SBF2: variants seen among roughly 807,000 people sequenced by gnomAD.
The protein encoded by SBF2 is myotubularin-related protein 13.
A neutral mutation model predicts 225.2 loss-of-function variants in SBF2; 112 were observed. The ratio of observed to expected loss-of-function variants is 0.50; its 90% CI spans 0.43 to 0.58. SBF2 has a LOEUF of 0.58. SBF2 is among the 20% of genes least tolerant of loss of function. The pLI, the probability that SBF2 is intolerant of heterozygous loss-of-function variation, is 0.00. For synonymous variants in SBF2, 763 were observed against 773.3 expected (o/e 0.99, Z 0.22); for missense variants, 1,996 against 2,206.2 (o/e 0.90, Z 1.91).
chr11:10,263,126 T>G (rs531816564), intron 1 of SBF2, among the ~76,000 whole-genome samples: 10 of 152,214 alleles, frequency 6.6e-5, no homozygotes, highest in Admixed American at 6.5e-4. Context: ...ACCTTCTTTC[T>G]ATACCTATTG....
chr11:10,149,282 G>C (rs537244979), intron 2 of SBF2: 1 of 152,110 alleles, frequency 6.6e-6, no homozygotes, highest in Non-Finnish European at 1.5e-5. Flanking sequence ...TCGGCTACAC[G>C]TAAGACTGAG....
intron 2 of SBF2, among the ~76,000 whole-genome samples, chr11:10,055,762 T>C (rs917464904): frequency 1.3e-5 from 2 of 151,812 alleles, no homozygotes; most frequent in Non-Finnish European, 2.9e-5. Context: ...GACAATAGAG[T>C]CCCAGAAGTG....
intron 3 of SBF2, among the ~76,000 whole-genome samples, chr11:10,033,838 A>G (rs1949347083): frequency 6.6e-6 from 1 of 152,166 alleles, no homozygotes; most frequent in Non-Finnish European, 1.5e-5. Flanking sequence ...TCTATGTAAT[A>G]ATTATAAAAT....
chr11:9,848,437 G>C (rs1443735106), intron 22 of SBF2, among the ~76,000 whole-genome samples: 1 of 152,152 alleles, frequency 6.6e-6, no homozygotes, highest in Admixed American at 6.5e-5. Flanking sequence ...TTCAAAATTT[G>C]AAAGGAAAAG....
chr11:10,152,987 G>A (rs1955288824), intron 2 of SBF2, among the ~76,000 whole-genome samples: 1 of 152,140 alleles, frequency 6.6e-6, no homozygotes, highest in Non-Finnish European at 1.5e-5. Flanking sequence ...AGCAGCAAAG[G>A]GTGACAGTAC....
At chr11:9,809,936 C>A (rs909681801) in intron 30 of SBF2, among the ~76,000 whole-genome samples, 3 of 152,064 alleles carry the variant, frequency 2.0e-5, no homozygotes, top group African/African-American at 7.2e-5. Flanking sequence ...AGTTGTGCAC[C>A]TTTATCATAA....
intron 26 of SBF2, among the ~76,000 whole-genome samples, chr11:9,837,390 CATAA>C (rs1564898665): frequency 1.3e-5 from 2 of 152,188 alleles, no homozygotes; most frequent in African/African-American, 2.4e-5. Flanking sequence ...AATAAATTTA[CATAA>C]ATAAAACTCA....
intron 1 of SBF2, among the ~76,000 whole-genome samples, chr11:10,199,875 A>T (rs1013573610): frequency 6.6e-6 from 1 of 152,182 alleles, no homozygotes; most frequent in African/African-American, 2.4e-5. Flanking sequence ...GAAAATATGG[A>T]ATATGGAGGT....
At chr11:10,284,061 A>T (rs1469834169) in intron 1 of SBF2, among the ~76,000 whole-genome samples, 2 of 152,226 alleles carry the variant, frequency 1.3e-5, no homozygotes, top group Admixed American at 1.3e-4. Flanking sequence ...GTATCTTTCT[A>T]TCTTCCTTAT....
chr11:10,034,790 T>G (rs1430406405), intron 3 of SBF2, among the ~76,000 whole-genome samples: 1 of 152,194 alleles, frequency 6.6e-6, no homozygotes, highest in African/African-American at 2.4e-5. Flanking sequence ...TTTAAGAACT[T>G]AAAAATTTTC....
At chr11:10,001,381 G>A (rs1040108508) in intron 7 of SBF2, among the ~76,000 whole-genome samples, 15 of 151,916 alleles carry the variant, frequency 9.9e-5, no homozygotes, top group Admixed American at 5.2e-4. Flanking sequence ...CTCTCAGTAT[G>A]AGGCAATGAT....
intron 16 of SBF2, among the ~76,000 whole-genome samples, chr11:9,916,114 C>A (rs562685523): frequency 6.6e-6 from 1 of 152,138 alleles, no homozygotes; most frequent in East Asian, 1.9e-4. Flanking sequence ...CATTTTAAAT[C>A]TATGAGCTAT....
At chr11:10,292,986 G>A (rs1231055263) in intron 1 of SBF2, among the ~76,000 whole-genome samples, 1 of 152,106 alleles carries the variant, frequency 6.6e-6, no homozygotes, top group Admixed American at 6.5e-5. Flanking sequence ...ACCAAGAGTG[G>A]GTAGAACAAT....
intron 1 of SBF2, among the ~76,000 whole-genome samples, chr11:10,262,066 GATTT>G (rs967220797): frequency 3.3e-5 from 5 of 151,818 alleles, no homozygotes; most frequent in African/African-American, 2.4e-5. Context: ...GTAAATTTAA[GATTT>G]ATTTCATTAT....
chr11:10,242,237 C>CATTATAA (rs1406299652), intron 1 of SBF2, among the ~76,000 whole-genome samples: 1 of 151,906 alleles, frequency 6.6e-6, no homozygotes, highest in Non-Finnish European at 1.5e-5. Flanking sequence ...GTGGCAAAGG[C>CATTATAA]ATTATAAGTG....
chr11:10,163,095 G>T (rs1955820617), intron 2 of SBF2, among the ~76,000 whole-genome samples: 1 of 152,208 alleles, frequency 6.6e-6, no homozygotes, highest in Non-Finnish European at 1.5e-5. Flanking sequence ...ATGTCATTAA[G>T]TGAGGTCTAG....
intron 13 of SBF2, among the ~76,000 whole-genome samples, chr11:9,985,018 A>G (rs1947135010): frequency 6.6e-6 from 1 of 152,220 alleles, no homozygotes; most frequent in Admixed American, 6.5e-5. Context: ...AAACAAAAAT[A>G]CAAGTTAAAA....
intron 2 of SBF2, among the ~76,000 whole-genome samples, chr11:10,084,261 G>C (rs1951471871): frequency 6.6e-6 from 1 of 151,936 alleles, no homozygotes; most frequent in African/African-American, 2.4e-5. Flanking sequence ...AAAAAAAAGT[G>C]TGCAAAAGAC....
Position 9,788,829 on chromosome 11 carries a change from T to A in SBF2, c.4932+280A>T, listed in dbSNP as rs1352622985. ...ACTGTGTTAACCAGGATGGTCTCGA[T>A]CTCCTGACCTTGTGATCTGCCCGCC... On this transcript the variant is annotated intron_variant, in intron 35 of 39. Coordinates refer to ENST00000256190, the MANE Select transcript of SBF2 (RefSeq NM_030962.4). 3.3e-5 allele frequency among the ~76,000 whole-genome samples: 5 copies of A among 151,070 alleles called. No individual in the cohort carries two copies. In the East Asian group the frequency reaches 9.7e-4, roughly 29 times the overall value.
Sources: allele counts gnomAD v4.1 joint callset (sites outside exome capture counted in the v4.1 genomes callset), GRCh38; gene constraint gnomAD v4.1.1; transcripts MANE v1.5; gene names NCBI Gene and HGNC (gene_info 2026-07-23, HGNC 2026-07-21).